Variants in GBE1 observed in about 807,000 individuals in gnomAD.
GBE1 encodes the protein 1,4-alpha-glucan branching enzyme 1.
Under a neutral mutation model 88.8 loss-of-function variants are expected in GBE1, and 70 were observed. The ratio of observed to expected loss-of-function variants is 0.79; its 90% CI spans 0.65 to 0.96. The LOEUF (loss-of-function observed/expected upper bound fraction) is 0.96, where lower values mean the gene tolerates loss of function less well. GBE1 is among the 40% of genes least tolerant of loss of function. GBE1 has a pLI of 0.00. For missense variants in GBE1, 872 were observed against 871.0 expected, an observed-to-expected ratio of 1.00 and a Z score of -0.01; for synonymous variants, 284 against 300.1, an observed-to-expected ratio of 0.95 and a Z score of 0.56.
intron 7 of GBE1, among the ~76,000 whole-genome samples, chr3:81,604,791 T>TGAACA (rs1704083215): frequency 6.6e-6 from 1 of 152,166 alleles, no homozygotes; most frequent in Non-Finnish European, 1.5e-5. Context: ...TAAGAAATTA[T>TGAACA]TTAACTGAAA....
intron 14 of GBE1, among the ~76,000 whole-genome samples, chr3:81,529,381 G>T (rs1702986065): frequency 6.6e-6 from 1 of 151,836 alleles, no homozygotes; most frequent in Non-Finnish European, 1.5e-5. Context: ...TTCCATATTT[G>T]TCTGTGTACT....
At chr3:81,739,214 T>C (rs1200756354) in intron 1 of GBE1, among the ~76,000 whole-genome samples, 2 of 152,186 alleles carry the variant, frequency 1.3e-5, no homozygotes, top group Admixed American at 6.6e-5. Context: ...ACATTCAGAC[T>C]GCAGCACATA....
chr3:81,576,278 A>G lies in GBE1; in HGVS notation c.1618+1647T>C, dbSNP rs529549423. Among the ~76,000 whole-genome samples the G allele has an allele frequency of 3.9e-5, 6 of 152,002 alleles. No individual in the cohort carries two copies. In the East Asian group the frequency reaches 1.2e-3, roughly 29 times the overall value. ...ATAATCATAGTTATCAAATAGAAAA[A>G]TATTTTATCCTAAATTTAGGATATG... On this transcript the variant is annotated intron_variant, in intron 12 of 15. Transcript: ENST00000429644.
At chr3:81,601,842 T>C (rs1472777738) in intron 7 of GBE1, among the ~76,000 whole-genome samples, 1 of 152,206 alleles carries the variant, frequency 6.6e-6, no homozygotes, top group African/African-American at 2.4e-5. Flanking sequence ...TTTATTTTAT[T>C]TACCTATTTG....
chr3:81,734,896 A>G (rs1055587366), intron 1 of GBE1, among the ~76,000 whole-genome samples: 3 of 152,164 alleles, frequency 2.0e-5, no homozygotes, highest in African/African-American at 7.2e-5. Flanking sequence ...AGAAGTAAAC[A>G]TTCATAAGTT....
At chr3:81,518,667 A>C (rs746152812) in intron 14 of GBE1, among the ~76,000 whole-genome samples, 17 of 151,414 alleles carry the variant, frequency 1.1e-4, no homozygotes, top group Non-Finnish European at 1.5e-5. Flanking sequence ...AAGGACCTCT[A>C]TGTTTAAAAG....
rs1201289821 is a variant in GBE1 at position 81,563,911 on chromosome 3, G to A, written c.1618+14014C>T. Among the ~76,000 whole-genome samples, 2 of 140,076 alleles carry A rather than the reference G, an allele frequency of 1.4e-5. 1 individual carries two copies. The highest frequency in any genetic ancestry group is 5.3e-4 in the South Asian group (2 of 3,766). 91.9% of individuals were successfully genotyped at this position (140,076 alleles called of 152,430 possible). On this transcript the variant is annotated intron_variant, in intron 12 of 15. Transcript: ENST00000429644. ...GGAGGGAGAGACGGAGAAAGGGAGGGAGGGAGGGAGTGAGGGAGGGAGGAA... is the reference window on the plus strand; with the variant it reads ...GGAGGGAGAGACGGAGAAAGGGAGGAAGGGAGGGAGTGAGGGAGGGAGGAA...
rs944175229 is a variant in GBE1 at position 81,599,303 on chromosome 3, AGT to A, written c.993-5282_993-5281del. Among the ~76,000 whole-genome samples, 55 of 151,932 alleles carry A rather than the reference AGT, an allele frequency of 3.6e-4. 1 individual carries two copies. In the South Asian group the frequency reaches 5.6e-3, roughly 15 times the overall value. Reference sequence around the variant, plus strand: ...TGTGACTGTGAGTGTATGTACATAAAGTGTGTGTGTGTGCTTGTGTGCGTGTG... The same window carrying A: ...TGTGACTGTGAGTGTATGTACATAAAGTGTGTGTGTGCTTGTGTGCGTGTG... On this transcript the variant is annotated intron_variant, in intron 7 of 15. Transcript: ENST00000429644.
chr3:81,607,572 AAAAT>A (rs1485813679), intron 7 of GBE1, among the ~76,000 whole-genome samples: 5 of 152,098 alleles, frequency 3.3e-5, no homozygotes, highest in East Asian at 1.9e-4. Flanking sequence ...ACAAAAACAA[AAAAT>A]AAATAAATAA....
chr3:81,758,742 T>C (rs1282092152), intron 1 of GBE1, among the ~76,000 whole-genome samples: 2 of 152,236 alleles, frequency 1.3e-5, no homozygotes, highest in Non-Finnish European at 2.9e-5. Context: ...ATGCTAATAA[T>C]GTACTAATTT....
chr3:81,554,655 G>GA (rs968365300), intron 12 of GBE1, among the ~76,000 whole-genome samples: 29 of 151,972 alleles, frequency 1.9e-4, no homozygotes, highest in African/African-American at 7.0e-4. Flanking sequence ...AGCCACAGGG[G>GA]AAAAAAATAA....
rs567798939 is a variant in GBE1 at position 81,543,019 on chromosome 3, T to G, written c.1619-5924A>C. Among the ~76,000 whole-genome samples, 18 of 152,224 alleles carry G rather than the reference T, an allele frequency of 1.2e-4. No individual in the cohort carries two copies. In the South Asian group the frequency reaches 3.7e-3, roughly 32 times the overall value. On this transcript the variant is annotated intron_variant, in intron 12 of 15. Coordinates refer to ENST00000429644, the MANE Select transcript of GBE1 (RefSeq NM_000158.4). Reference sequence around the variant, plus strand: ...TAAGATTTTGTTTATATTTTAACTTTTATTTCATTTATCTTTTTAAAGTAT... The same window carrying G: ...TAAGATTTTGTTTATATTTTAACTTGTATTTCATTTATCTTTTTAAAGTAT...
chr3:81,521,632 TAAAAG>T (rs950924048), intron 14 of GBE1, among the ~76,000 whole-genome samples: 11 of 151,596 alleles, frequency 7.3e-5, no homozygotes, highest in African/African-American at 2.7e-4. Flanking sequence ...AACAAAAAGT[TAAAAG>T]AAGAGATCCA....
chr3:81,707,710 T>G (rs1472537611), intron 1 of GBE1, among the ~76,000 whole-genome samples: 1 of 152,112 alleles, frequency 6.6e-6, no homozygotes, highest in African/African-American at 2.4e-5. Flanking sequence ...TTTAATTTCT[T>G]TATTAATCTT....
intron 12 of GBE1, among the ~76,000 whole-genome samples, chr3:81,554,251 A>G (rs891618954): frequency 2.2e-4 from 34 of 152,222 alleles, no homozygotes; most frequent in African/African-American, 8.2e-4. Context: ...AGTTAAAAAT[A>G]ACTCAGAAAA....
intron 2 of GBE1, among the ~76,000 whole-genome samples, chr3:81,693,092 C>A (rs1705544033): frequency 6.6e-6 from 1 of 152,122 alleles, no homozygotes; most frequent in African/African-American, 2.4e-5. Flanking sequence ...TGCAGCTATT[C>A]TAAGAGATTT....
At chr3:81,593,604 TA>T (rs1414865902) in intron 8 of GBE1, among the ~76,000 whole-genome samples, 10 of 152,078 alleles carry the variant, frequency 6.6e-5, no homozygotes, top group Non-Finnish European at 1.5e-4. Context: ...TCTCATCTAT[TA>T]TTTTTTATTT....
At chr3:81,748,724 T>C (rs1353564249) in intron 1 of GBE1, among the ~76,000 whole-genome samples, 1 of 151,992 alleles carries the variant, frequency 6.6e-6, no homozygotes, top group East Asian at 1.9e-4. Flanking sequence ...AGAAAATATC[T>C]GGAGGCCGGG....
At chr3:81,643,425 A>C (rs920586113) in intron 6 of GBE1, among the ~76,000 whole-genome samples, 3 of 152,054 alleles carry the variant, frequency 2.0e-5, no homozygotes, top group African/African-American at 7.2e-5. Flanking sequence ...TCCCTCCTGC[A>C]CTTATTCCAA....
Sources: allele counts gnomAD v4.1 joint callset (sites outside exome capture counted in the v4.1 genomes callset), GRCh38; gene constraint gnomAD v4.1.1; transcripts MANE v1.5; gene names NCBI Gene and HGNC (gene_info 2026-07-23, HGNC 2026-07-21).